PDIA5: variants seen among roughly 807,000 people sequenced by gnomAD.
PDIA5 encodes protein disulfide-isomerase A5.
Under a neutral mutation model 77.6 loss-of-function variants are expected in PDIA5, and 58 were observed. The ratio of observed to expected loss-of-function variants is 0.75; its 90% confidence interval spans 0.61 to 0.93. The LOEUF (loss-of-function observed/expected upper bound fraction) is 0.93. Ranked by LOEUF, PDIA5 falls within the 40% of genes least tolerant of loss-of-function variation. PDIA5 has a pLI of 0.00. For synonymous variants in PDIA5, 250 were observed against 252.1 expected (o/e 0.99, Z 0.08); for missense variants, 630 against 647.7 (o/e 0.97, Z 0.30).
chr3:123,133,439 C>T (rs1483678510), intron 11 of PDIA5, among the ~76,000 whole-genome samples: 3 of 152,228 alleles, frequency 2.0e-5, no homozygotes, highest in Non-Finnish European at 4.4e-5. Flanking sequence ...TACTCCAGAT[C>T]GCTGAATGCG....
chr3:123,124,493 T>TCTA, intron 10 of PDIA5, 150 bp downstream of exon 10: 1 of 699,460 alleles, frequency 1.4e-6, no homozygotes, highest in South Asian at 1.6e-5. Flanking sequence ...CTGGCTTGAG[T>TCTA]CTAGGCCACT....
intron 3 of PDIA5, among the ~76,000 whole-genome samples, chr3:123,097,603 G>T (rs553112193): frequency 1.3e-5 from 2 of 152,220 alleles, no homozygotes; most frequent in Admixed American, 1.3e-4. Context: ...CTCCTGCCTT[G>T]TATCCTCTAG....
intron 5 of PDIA5, among the ~76,000 whole-genome samples, chr3:123,105,792 G>A (rs940239639): frequency 6.6e-6 from 1 of 152,002 alleles, no homozygotes; most frequent in East Asian, 1.9e-4. Context: ...TCTGCTCGCT[G>A]GAGCGTGGTC....
chr3:123,124,200 G>A (rs746508179), intron 9 of PDIA5, 43 bp downstream of exon 9: 17 of 1,575,660 alleles, frequency 1.1e-5, no homozygotes, highest in South Asian at 2.2e-5. Flanking sequence ...TCCCTCCCTG[G>A]TGATTGACCA....
At chr3:123,113,678 C>T (rs1197116719) in intron 7 of PDIA5, among the ~76,000 whole-genome samples, 2 of 152,194 alleles carry the variant, frequency 1.3e-5, no homozygotes, top group South Asian at 2.1e-4. Context: ...CATCATAATT[C>T]AGCTGATTCC....
Position 123,133,893 on chromosome 3 carries a change from A to G in PDIA5, c.910+3277A>G, listed in dbSNP as rs543417872. Among the ~76,000 whole-genome samples, 5 of 152,396 alleles carry G rather than the reference A, an allele frequency of 3.3e-5. No homozygotes were observed. The South Asian group carries it at 6.2e-4, about 19-fold the overall frequency. On this transcript the variant is annotated intron_variant, in intron 11 of 16. Coordinates refer to ENST00000316218, the MANE Select transcript of PDIA5 (RefSeq NM_006810.4). The stretch of plus-strand genomic sequence containing the variant: ...TTATCAAGGGATAATATAGGAAAGT[A>G]TAGAGAAGAAAATTAAAATGCTTCC...
chr3:123,145,319 T>C, intron 11 of PDIA5: 2 of 561,712 alleles, frequency 3.6e-6, no homozygotes, highest in Non-Finnish European at 3.1e-6. Context: ...AGTTGTTTTA[T>C]TTTTGTGTCT....
intron 11 of PDIA5, among the ~76,000 whole-genome samples, chr3:123,134,045 A>G (rs982580494): frequency 6.9e-6 from 1 of 144,206 alleles, no homozygotes; most frequent in Non-Finnish European, 1.5e-5. Flanking sequence ...TTTTTTTGAC[A>G]TAGAGTTTTG....
intron 1 of PDIA5, among the ~76,000 whole-genome samples, chr3:123,071,298 T>C (rs897324682): frequency 6.6e-6 from 1 of 152,206 alleles, no homozygotes; most frequent in African/African-American, 2.4e-5. Flanking sequence ...ATCTGCTGAA[T>C]GTAAATCGGG....
intron 14 of PDIA5, among the ~76,000 whole-genome samples, 184 bp from the exon 15 acceptor site, chr3:123,154,787 A>G (rs1221379640): frequency 6.6e-6 from 1 of 152,108 alleles, no homozygotes; most frequent in Non-Finnish European, 1.5e-5. Flanking sequence ...CCCCCCTACC[A>G]ATAGATCAGA....
At chr3:123,123,800 C>T (rs1382942954) in intron 8 of PDIA5, among the ~76,000 whole-genome samples, 1 of 152,206 alleles carries the variant, frequency 6.6e-6, no homozygotes, top group African/African-American at 2.4e-5. Context: ...TGGTTTTGCT[C>T]TGGGGTGGTT....
rs140143798 is a variant in PDIA5, at chr3:123,161,711, C to T, written c.1480-169C>T. The T allele has an allele frequency of 1.2e-3, 772 of 667,328 alleles. 1 individual carries two copies. The African/African-American group carries it at 0.012, about 10-fold the overall frequency. 41.3% of individuals were successfully genotyped at this position (667,328 alleles called of 1,614,324 possible). A position where few individuals can be genotyped will look rare whatever the true frequency, so the allele number is the denominator to read the frequency against. On this transcript the variant is annotated intron_variant, in intron 16 of 16. Transcript: ENST00000316218. ...GCCGAGGGTTTTCTCACTTGCTGGTCGGGGCTGGTGCAAGCCACGCAGACC... is the reference window on the plus strand; with the variant it reads ...GCCGAGGGTTTTCTCACTTGCTGGTTGGGGCTGGTGCAAGCCACGCAGACC...
intron 10 of PDIA5, among the ~76,000 whole-genome samples, chr3:123,125,307 A>G (rs960876414): frequency 2.6e-5 from 4 of 152,220 alleles, no homozygotes; most frequent in African/African-American, 7.2e-5. Context: ...AGCACTTTAC[A>G]TGGATTCTCA....
At chr3:123,144,919 G>A (rs1441810017) in intron 11 of PDIA5, 1 of 152,144 alleles carries the variant, frequency 6.6e-6, no homozygotes, top group African/African-American at 2.4e-5. Context: ...AAAGGACAGA[G>A]CAGTTTCTAT....
At chr3:123,084,847 G>T (rs575488372) in intron 1 of PDIA5, among the ~76,000 whole-genome samples, 1 of 152,276 alleles carries the variant, frequency 6.6e-6, no homozygotes, top group South Asian at 2.1e-4. Context: ...ACCCAGCAGG[G>T]CCCTCCACCT....
At chr3:123,133,643 G>C (rs1935422274) in intron 11 of PDIA5, among the ~76,000 whole-genome samples, 1 of 152,194 alleles carries the variant, frequency 6.6e-6, no homozygotes, top group Admixed American at 6.5e-5. Context: ...AGTCTGTCTA[G>C]AGGGTATGTA....
rs1935861780 is a variant in PDIA5, at chr3:123,150,334, A to G, written c.1243A>G (p.Lys415Glu). 1 of 1,613,822 alleles carries G rather than the reference A, an allele frequency of 6.2e-7. No individual in the cohort carries two copies. Among genetic ancestry groups the G allele is most frequent in the Admixed American group, 1.7e-5 (1 of 59,988 alleles). ...CTTCCGGGAGACCCTGAAGAAGAAG[A>G]AACACACCTTGGTCATGTTCTACGC... Reference protein sequence around the residue: ...DNFRETLKKKKHTLVMFYAPW... With the variant: ...DNFRETLKKKEHTLVMFYAPW... Residue 415 changes from lysine to glutamate, a missense_variant, in exon 14 of 17, where the codon AAA becomes GAA. By Grantham distance (56) the Lys-to-Glu change is moderately conservative. Transcript: ENST00000316218.
rs1385513040 is a variant in PDIA5 at position 123,076,271 on chromosome 3, G to A, written c.42+9065G>A. Among the ~76,000 whole-genome samples, 5 of 152,134 alleles carry A rather than the reference G, an allele frequency of 3.3e-5. No homozygotes were observed. The East Asian group carries it at 9.6e-4, about 29-fold the overall frequency. On this transcript the variant is annotated intron_variant, in intron 1 of 16. Coordinates refer to ENST00000316218, the MANE Select transcript of PDIA5 (RefSeq NM_006810.4). ...CGGGGACCTGGCTCTACTGTTTTAG[G>A]CTTAATCCGAGGCAAATCCCTTCTC...
At chr3:123,093,056 C>T (rs546510133) in intron 3 of PDIA5, among the ~76,000 whole-genome samples, 1 of 152,308 alleles carries the variant, frequency 6.6e-6, no homozygotes, top group East Asian at 1.9e-4. Flanking sequence ...GCACCCACTC[C>T]AGTGTAATCC....
Sources: gnomAD v4.1 joint callset for allele counts (sites outside exome capture counted in the v4.1 genomes callset) on GRCh38, gnomAD v4.1.1 for gene constraint, MANE v1.5 for transcripts, NCBI Gene and HGNC (gene_info 2026-07-23, HGNC 2026-07-21) for gene names.